The following MAGI1 variants were observed in gnomAD, a reference collection of about 807,000 sequenced individuals.
MAGI1 encodes the protein membrane associated guanylate kinase, WW and PDZ domain containing 1, also known as membrane-associated guanylate kinase, WW and PDZ domain-containing protein 1.
MAGI1 carries 58 observed loss-of-function variants against 139.9 expected under a neutral mutation model. The ratio of observed to expected loss-of-function variants is 0.41; its 90% confidence interval spans 0.34 to 0.52. The LOEUF (loss-of-function observed/expected upper bound fraction) is 0.52, where lower values mean the gene tolerates loss of function less well. Ranked by LOEUF, MAGI1 falls within the 20% of genes least tolerant of loss-of-function variation. The pLI, the probability that MAGI1 is intolerant of heterozygous loss-of-function variation, is 0.12. For synonymous variants in MAGI1, 812 were observed against 737.9 expected, an observed-to-expected ratio of 1.10 and a Z score of -1.63; for missense variants, 1,874 against 1,901.6, an observed-to-expected ratio of 0.99 and a Z score of 0.27.
At chr3:65,921,671 G>A (rs1055074678) in intron 1 of MAGI1, among the ~76,000 whole-genome samples, 3 of 151,998 alleles carry the variant, frequency 2.0e-5, no homozygotes, top group Non-Finnish European at 4.4e-5. Flanking sequence ...CAATACAGAA[G>A]CTCTTACCAC....
At position 65,882,779 on chromosome 3, in the gene MAGI1, G is replaced by T. The variant is rs7644438; in HGVS notation, c.313+155217C>A. Among the ~76,000 whole-genome samples, 1,444 of 151,352 alleles carry T rather than the reference G, an allele frequency of 9.5e-3. 24 individuals carry two copies. The highest frequency in any genetic ancestry group is 0.033 in the African/African-American group (1,357 of 41,278). ...GAAACCCCATCTCTACAGAATATCAGAAAAAATTAGCCAGGCATGGTGGTG... is the reference window on the plus strand; with the variant it reads ...GAAACCCCATCTCTACAGAATATCATAAAAAATTAGCCAGGCATGGTGGTG... On this transcript the variant is annotated intron_variant, in intron 1 of 22. Transcript: ENST00000402939.
chr3:65,858,152 T>C (rs1474283870), intron 1 of MAGI1, among the ~76,000 whole-genome samples: 1 of 152,076 alleles, frequency 6.6e-6, no homozygotes, highest in Non-Finnish European at 1.5e-5. Flanking sequence ...TCTAAAATGA[T>C]GTTAACAAAT....
chr3:65,734,558 AAAGAGAGAGAGG>A (rs2034540513), intron 1 of MAGI1, among the ~76,000 whole-genome samples: 1 of 141,982 alleles, frequency 7.0e-6, no homozygotes, highest in African/African-American at 2.8e-5. Flanking sequence ...AGAGAGAAAG[AAAGAGAGAGAGG>A]GAGAGAGAGA....
intron 1 of MAGI1, among the ~76,000 whole-genome samples, chr3:65,934,053 GA>G (rs1231852787): frequency 3.3e-5 from 5 of 152,074 alleles, no homozygotes; most frequent in Non-Finnish European, 7.4e-5. Flanking sequence ...CTTGAACTGC[GA>G]AGGTTGCAGT....
intron 1 of MAGI1, among the ~76,000 whole-genome samples, chr3:65,772,247 C>A (rs1416400836): frequency 6.6e-6 from 1 of 152,162 alleles, no homozygotes; most frequent in Non-Finnish European, 1.5e-5. Context: ...TAGGCCCAAT[C>A]CCTTCCTTGT....
chr3:65,824,058 G>A (rs2042090247), intron 1 of MAGI1, among the ~76,000 whole-genome samples: 1 of 152,098 alleles, frequency 6.6e-6, no homozygotes, highest in African/African-American at 2.4e-5. Context: ...ACAATGCCAA[G>A]TACAAAACAA....
At chr3:65,684,469 T>A (rs1190516264) in intron 1 of MAGI1, among the ~76,000 whole-genome samples, 1 of 152,144 alleles carries the variant, frequency 6.6e-6, no homozygotes, top group Non-Finnish European at 1.5e-5. Flanking sequence ...ATGACCAACT[T>A]TCAGAAATTG....
At chr3:65,886,233 A>G (rs2060526466) in intron 1 of MAGI1, among the ~76,000 whole-genome samples, 1 of 152,192 alleles carries the variant, frequency 6.6e-6, no homozygotes. Context: ...GTTCATATGT[A>G]AATGTCCTAT....
At chr3:65,887,961 C>T (rs1035937037) in intron 1 of MAGI1, among the ~76,000 whole-genome samples, 13 of 152,154 alleles carry the variant, frequency 8.5e-5, no homozygotes, top group Non-Finnish European at 1.8e-4. Flanking sequence ...ATTACACTCT[C>T]AATAACTGAC....
intron 2 of MAGI1, among the ~76,000 whole-genome samples, chr3:65,577,967 C>G (rs1038336277): frequency 6.6e-6 from 1 of 152,170 alleles, no homozygotes; most frequent in African/African-American, 2.4e-5. Flanking sequence ...CTCTCACACA[C>G]GACTTGTGTA....
intron 1 of MAGI1, among the ~76,000 whole-genome samples, chr3:65,633,517 A>T (rs1211413978): frequency 6.6e-6 from 1 of 152,070 alleles, no homozygotes; most frequent in Non-Finnish European, 1.5e-5. Context: ...CAGGAAATCC[A>T]CTTTATTATT....
chr3:65,559,108 A>G (rs1257880673), intron 2 of MAGI1, among the ~76,000 whole-genome samples: 1 of 152,234 alleles, frequency 6.6e-6, no homozygotes, highest in Non-Finnish European at 1.5e-5. Context: ...TTCTTCTTGG[A>G]GTCCATTTTC....
chr3:66,012,670 G>A (rs1321014096), intron 1 of MAGI1, among the ~76,000 whole-genome samples: 1 of 151,548 alleles, frequency 6.6e-6, no homozygotes, highest in Non-Finnish European at 1.5e-5. Flanking sequence ...GGAGGCTGAG[G>A]CAGGAGAACA....
intron 2 of MAGI1, among the ~76,000 whole-genome samples, chr3:65,572,592 T>C (rs897314350): frequency 6.6e-6 from 1 of 152,098 alleles, no homozygotes; most frequent in Non-Finnish European, 1.5e-5. Context: ...ACTCAGGCAT[T>C]GAGTGCAAAG....
intron 1 of MAGI1, among the ~76,000 whole-genome samples, chr3:65,970,912 AT>A (rs2064985901): frequency 6.6e-6 from 1 of 152,234 alleles, no homozygotes; most frequent in Non-Finnish European, 1.5e-5. Context: ...GTTTTAAAAA[AT>A]AAATAAATAG....
At chr3:65,604,537 T>C (rs2082643107) in intron 2 of MAGI1, among the ~76,000 whole-genome samples, 2 of 152,166 alleles carry the variant, frequency 1.3e-5, no homozygotes, top group Admixed American at 1.3e-4. Context: ...ATGACTTTCA[T>C]ATAATGTCAG....
At chr3:65,849,154 G>A (rs1351885617) in intron 1 of MAGI1, among the ~76,000 whole-genome samples, 1 of 151,212 alleles carries the variant, frequency 6.6e-6, no homozygotes, top group South Asian at 2.1e-4. Flanking sequence ...CTCCCGAGTA[G>A]CTGGGATTAC....
chr3:65,585,963 T>C (rs1247387857), intron 2 of MAGI1, among the ~76,000 whole-genome samples: 2 of 152,008 alleles, frequency 1.3e-5, no homozygotes, highest in Admixed American at 1.3e-4. Flanking sequence ...ATCCCAGTAC[T>C]TTGGGAGGCT....
At chr3:66,013,701 C>T (rs1370130536) in intron 1 of MAGI1, among the ~76,000 whole-genome samples, 2 of 149,298 alleles carry the variant, frequency 1.3e-5, no homozygotes, top group African/African-American at 5.0e-5. Context: ...GTGAGGCTTG[C>T]AGTGAGCTGA....
Sources: gnomAD v4.1 joint callset for allele counts (sites outside exome capture counted in the v4.1 genomes callset) on GRCh38, gnomAD v4.1.1 for gene constraint, MANE v1.5 for transcripts, NCBI Gene and HGNC (gene_info 2026-07-23, HGNC 2026-07-21) for gene names.